The following RANBP10 variants were observed in gnomAD, a reference collection of about 807,000 sequenced individuals.
RANBP10 encodes the protein RAN binding protein 10, also known as ran-binding protein 10.
RANBP10 carries 24 observed loss-of-function variants against 72.8 expected under a neutral mutation model. The ratio of observed to expected loss-of-function variants is 0.33; its 90% CI spans 0.24 to 0.46. The LOEUF is 0.46. RANBP10 is among the 20% of genes least tolerant of loss of function. RANBP10 has a pLI of 1.00. For synonymous variants in RANBP10, 310 were observed against 322.3 expected (o/e 0.96, Z 0.41); for missense variants, 679 against 817.5 (o/e 0.83, Z 2.07).
intron 3 of RANBP10, among the ~76,000 whole-genome samples, chr16:67,754,686 C>T (rs192108349): frequency 5.3e-5 from 8 of 152,350 alleles, no homozygotes; most frequent in Admixed American, 3.3e-4. Context: ...AGGATCCTCA[C>T]ACAGGCAGAC....
intron 4 of RANBP10, among the ~76,000 whole-genome samples, chr16:67,743,654 C>A (rs967964401): frequency 3.9e-5 from 6 of 152,106 alleles, no homozygotes; most frequent in Middle Eastern, 6.3e-3. Context: ...GCAAGTGCAC[C>A]CCATCTGTCA....
intron 2 of RANBP10, among the ~76,000 whole-genome samples, chr16:67,786,384 A>G (rs73591987): frequency 0.055 from 8,338 of 152,264 alleles, 667 homozygotes; most frequent in African/African-American, 0.18. Context: ...TCAATGGAAT[A>G]GGAAAAAGTA....
chr16:67,732,280 G>A (rs777362343), intron 6 of RANBP10, among the ~76,000 whole-genome samples: 5 of 152,324 alleles, frequency 3.3e-5, no homozygotes, highest in South Asian at 4.1e-4. Flanking sequence ...CAGTCATTGG[G>A]AAATGGTCTG....
At chr16:67,764,322 A>G (rs2054456011) in intron 3 of RANBP10, among the ~76,000 whole-genome samples, 1 of 152,218 alleles carries the variant, frequency 6.6e-6, no homozygotes, top group East Asian at 1.9e-4. Context: ...GGCCAAGGGT[A>G]GAATTTCTAA....
chr16:67,723,722 C>T lies in RANBP10; in HGVS notation c.*2706G>A, dbSNP rs959864924. 6.6e-6 allele frequency: 1 copy of T among 152,330 alleles called. No homozygotes were observed. Among genetic ancestry groups the T allele is most frequent in the Non-Finnish European group, 1.5e-5 (1 of 68,112 alleles). 9.4% of individuals were successfully genotyped at this position (152,330 alleles called of 1,614,324 possible). On this transcript the variant is annotated 3_prime_UTR_variant, in exon 14 of 14. Transcript: ENST00000317506. The stretch of plus-strand genomic sequence containing the variant: ...GGACAAACCAAGAAAGCCAGGTCTT[C>T]CTCCTGCCTCCATGGGTCAGGTCCA...
chr16:67,792,386 C>G (rs1321600365), intron 2 of RANBP10, among the ~76,000 whole-genome samples: 1 of 151,524 alleles, frequency 6.6e-6, no homozygotes, highest in African/African-American at 2.4e-5. Context: ...AACCCCATCT[C>G]TACTAAAAAA....
At position 67,802,035 on chromosome 16, in the gene RANBP10, C is replaced by T. The variant is rs117580058; in HGVS notation, c.347+3393G>A. 5.5e-3 allele frequency among the ~76,000 whole-genome samples: 825 copies of T among 150,072 alleles called. 11 individuals are homozygous for T. The East Asian group carries it at 0.059, about 11-fold the overall frequency. ...GACTGAGCCCAGGAAGTTGAGGTGG[C>T]GGTGAGCTGTGATCATGCCATTGCA... is the stretch of plus-strand genomic sequence containing the variant. On this transcript the variant is annotated intron_variant, in intron 2 of 13. Transcript: ENST00000317506.
chr16:67,744,711 G>T (rs1026799604), intron 3 of RANBP10, among the ~76,000 whole-genome samples: 1 of 152,230 alleles, frequency 6.6e-6, no homozygotes, highest in African/African-American at 2.4e-5. Flanking sequence ...TCAGTGACCC[G>T]GAAGGAACAT....
rs530068973 is a variant in RANBP10, at chr16:67,749,963, C to G, written c.401-5508G>C. On this transcript the variant is annotated intron_variant, in intron 3 of 13. Transcript: ENST00000317506. ...GGGCCACACCAGCCACAATAGCCCT[C>G]CTCCTACCCCTGCCCCTCATCCCTC... Among the ~76,000 whole-genome samples, 5 of 152,336 alleles carry G rather than the reference C, an allele frequency of 3.3e-5. No homozygotes were observed. In the East Asian group the frequency reaches 7.7e-4, roughly 23 times the overall value.
chr16:67,729,102 G>A lies in RANBP10; in HGVS notation c.1352+178C>T, dbSNP rs1163261351. ...AGGCCAAAGAAAGTGCAGCTAAATCGTGGGGAGGGCCAGAAGCCAGAGCTG... is the reference window on the plus strand; with the variant it reads ...AGGCCAAAGAAAGTGCAGCTAAATCATGGGGAGGGCCAGAAGCCAGAGCTG... On this transcript the variant is annotated intron_variant, in intron 10 of 13. Coordinates refer to ENST00000317506, the MANE Select transcript of RANBP10 (RefSeq NM_020850.3). The surrounding 1 kb of genome is among the most constrained non-coding windows in gnomAD (Gnocchi z 7.1). 2.0e-5 allele frequency among the ~76,000 whole-genome samples: 3 copies of A among 152,268 alleles called. No individual in the cohort carries two copies. The highest frequency in any genetic ancestry group is 1.3e-4 in the Admixed American group (2 of 15,290).
chr16:67,760,756 C>T (rs750445058), intron 3 of RANBP10, among the ~76,000 whole-genome samples: 11 of 152,180 alleles, frequency 7.2e-5, no homozygotes, highest in Non-Finnish European at 1.5e-4. Flanking sequence ...TATGTCACAC[C>T]GAGCGAACAG....
intron 3 of RANBP10, among the ~76,000 whole-genome samples, chr16:67,765,708 C>T (rs927825896): frequency 6.0e-5 from 9 of 149,552 alleles, no homozygotes; most frequent in South Asian, 2.1e-4. Flanking sequence ...TGGTGGTGGG[C>T]GCCTGTAGTC....
In RANBP10 at chr16:67,738,492, G is replaced by A. The variant is rs138809491; in HGVS notation, c.569-457C>T. 7.9e-3 allele frequency: 1,241 copies of A among 157,690 alleles called. 9 individuals carry two copies. The highest frequency in any genetic ancestry group is 0.022 in the African/African-American group (926 of 41,364). The allele number at this position is 157,690 out of a possible 1,614,324, so 9.8% of individuals were successfully genotyped here. The stretch of plus-strand genomic sequence containing the variant: ...TTTTGAGATGCAGTCTCACTCTGTC[G>A]CCCAGGCTGGAGTGCAGTGGTGCGA... On this transcript the variant is annotated intron_variant, in intron 4 of 13. Coordinates refer to ENST00000317506, the MANE Select transcript of RANBP10 (RefSeq NM_020850.3).
rs1408313766 is a variant in RANBP10 at position 67,725,424 on chromosome 16, A to G, written c.*1004T>C. On this transcript the variant is annotated 3_prime_UTR_variant, in exon 14 of 14. Coordinates refer to ENST00000317506, the MANE Select transcript of RANBP10 (RefSeq NM_020850.3). ...CTGGGAATGGAGTCTTCTTTCCAGC[A>G]GCCTGACACACAGAAGCTCTCAGGA... 1 of 152,682 alleles carries G rather than the reference A, an allele frequency of 6.5e-6. No homozygotes were observed. Among genetic ancestry groups the G allele is most frequent in the Non-Finnish European group, 1.5e-5 (1 of 68,070 alleles). The allele number at this position is 152,682 out of a possible 1,614,324, so 9.5% of individuals were successfully genotyped here.
chr16:67,784,253 G>A (rs1345985553), intron 2 of RANBP10, among the ~76,000 whole-genome samples: 2 of 152,186 alleles, frequency 1.3e-5, no homozygotes, highest in Non-Finnish European at 2.9e-5. Context: ...GGGAGAGGTG[G>A]CTCACGCTTG....
intron 3 of RANBP10, among the ~76,000 whole-genome samples, chr16:67,767,847 T>C (rs901957011): frequency 3.3e-5 from 5 of 151,786 alleles, no homozygotes; most frequent in African/African-American, 9.7e-5. Flanking sequence ...CCACCCGCCT[T>C]GGCCTCCCAA....
Position 67,744,349 on chromosome 16 carries a change from G to C in RANBP10, c.507C>G (p.Ile169Met), listed in dbSNP as rs139436186. ...YGPTFTTGDV[I>M]GCCVNLINGT... is the part of the protein sequence containing the mutation. ...CATTGATGAGGTTGACACAGCAGCC[G>C]ATCACGTCTCCTGTGGTGAATGTGG... is the stretch of plus-strand genomic sequence containing the variant. Residue 169 changes from isoleucine to methionine, a missense_variant, in exon 4 of 14, where the codon ATC (isoleucine) becomes ATG (methionine). Ile to Met is a conservative substitution (Grantham distance 10). Transcript: ENST00000317506. The C allele has an allele frequency of 3.1e-6, 5 of 1,614,216 alleles. No homozygotes were observed. Among genetic ancestry groups the C allele is most frequent in the Non-Finnish European group, 4.2e-6 (5 of 1,180,042 alleles).
At chr16:67,741,007 C>T (rs988255625) in intron 4 of RANBP10, among the ~76,000 whole-genome samples, 1 of 152,128 alleles carries the variant, frequency 6.6e-6, no homozygotes, top group Non-Finnish European at 1.5e-5. Flanking sequence ...ATGGAGGAGT[C>T]CCCAAGAAGC....
chr16:67,753,465 G>A (rs2054233189), intron 3 of RANBP10, among the ~76,000 whole-genome samples: 1 of 152,204 alleles, frequency 6.6e-6, no homozygotes, highest in African/African-American at 2.4e-5. Context: ...TTGCACTCCA[G>A]CCTGGGCAAT....
Sources: gnomAD v4.1 joint callset for allele counts (sites outside exome capture counted in the v4.1 genomes callset) on GRCh38, gnomAD v4.1.1 for gene constraint, Gnocchi (gnomAD v3.1) non-coding constraint, MANE v1.5 for transcripts, NCBI Gene and HGNC (gene_info 2026-07-23, HGNC 2026-07-21) for gene names.